Variants in CASK observed in about 807,000 individuals in gnomAD.
CASK encodes the protein peripheral plasma membrane protein CASK.
CASK carries 4 observed loss-of-function variants against 82.9 expected under a neutral mutation model. That is an observed-to-expected ratio of 0.05 (90% confidence interval 0.02 to 0.11). The LOEUF is 0.11. Among genes scored for constraint, CASK ranks in the 10% least tolerant of loss-of-function variants. The pLI, the probability that CASK is intolerant of heterozygous loss-of-function variation, is 1.00. For synonymous variants in CASK, 259 were observed against 253.5 expected (o/e 1.02, Z -0.20); for missense variants, 358 against 720.9 (o/e 0.50, Z 5.76).
rs1367086963 is a variant in CASK, at chrX:41,772,590, G to A, written c.278+14588C>T. 2.7e-5 allele frequency among the ~76,000 whole-genome samples: 3 copies of A among 111,136 alleles called. No individual in the cohort carries two copies. The Admixed American group carries it at 2.9e-4, about 11-fold the overall frequency. On this transcript the variant is annotated intron_variant, in intron 3 of 26. Coordinates refer to ENST00000378163, the MANE Select transcript of CASK (RefSeq NM_001367721.1). ...CTTAGCAAAATACAGTTTACTAAAA[G>A]TGACACAGTAATGAATAAAAACCCT...
intron 11 of CASK, among the ~76,000 whole-genome samples, chrX:41,618,303 T>C (rs772136099): frequency 9.0e-6 from 1 of 111,715 alleles, no homozygotes; most frequent in African/African-American, 3.3e-5. Context: ...TGCAGGCAAG[T>C]GTTTTTTTTG....
At chrX:41,698,084 G>C (rs1422043537) in intron 5 of CASK, 1 of 111,501 alleles carries the variant, frequency 9.0e-6, no homozygotes, top group Non-Finnish European at 1.9e-5. Flanking sequence ...TTACAGGCAT[G>C]AGCCACCGCG....
intron 3 of CASK, among the ~76,000 whole-genome samples, chrX:41,776,446 A>G (rs2069366875): frequency 8.9e-6 from 1 of 112,959 alleles, no homozygotes; most frequent in African/African-American, 3.2e-5. Flanking sequence ...GATAACTGCC[A>G]TCACCACTGC....
chrX:41,560,086 T>A (rs1419224109), intron 17 of CASK, among the ~76,000 whole-genome samples: 1 of 111,791 alleles, frequency 8.9e-6, no homozygotes, highest in Non-Finnish European at 1.9e-5. Flanking sequence ...GTCTCACAGA[T>A]CTTCAATGGT....
intron 12 of CASK, among the ~76,000 whole-genome samples, chrX:41,594,376 T>C (rs1040064061): frequency 8.9e-6 from 1 of 112,042 alleles, no homozygotes; most frequent in African/African-American, 3.2e-5. Context: ...TGAAGGATGG[T>C]AGATGCCCCA....
At chrX:41,874,011 G>A (rs372857465) in intron 1 of CASK, among the ~76,000 whole-genome samples, 1 of 109,887 alleles carries the variant, frequency 9.1e-6, no homozygotes, top group Non-Finnish European at 1.9e-5. Context: ...GGCTGGTTTC[G>A]AACTCCTGAG....
chrX:41,525,051 C>T (rs2064692652), intron 25 of CASK, among the ~76,000 whole-genome samples: 1 of 111,465 alleles, frequency 9.0e-6, no homozygotes, highest in Non-Finnish European at 1.9e-5. Context: ...ATCTTTTGCC[C>T]AGCTTATTGT....
At chrX:41,706,550 A>G (rs2067888291) in intron 5 of CASK, among the ~76,000 whole-genome samples, 1 of 112,147 alleles carries the variant, frequency 8.9e-6, no homozygotes, top group African/African-American at 3.2e-5. Flanking sequence ...TTGAAAAGTT[A>G]GATTAATATT....
At chrX:41,785,885 G>A (rs1470021567) in intron 3 of CASK, among the ~76,000 whole-genome samples, 2 of 111,545 alleles carry the variant, frequency 1.8e-5, no homozygotes, top group African/African-American at 6.5e-5. Context: ...TGGAGATTAG[G>A]TTACGAGACT....
chrX:41,693,071 G>A (rs1167408012), intron 5 of CASK, among the ~76,000 whole-genome samples: 2 of 111,164 alleles, frequency 1.8e-5, no homozygotes, highest in African/African-American at 6.5e-5. Context: ...TAACATGAGA[G>A]AAGAAAAAAA....
chrX:41,669,415 C>G (rs1019397975), intron 6 of CASK, among the ~76,000 whole-genome samples: 1 of 111,390 alleles, frequency 9.0e-6, no homozygotes, highest in Non-Finnish European at 1.9e-5. Context: ...AAGAACATGA[C>G]ATTCTAAATA....
intron 2 of CASK, among the ~76,000 whole-genome samples, chrX:41,847,548 T>G (rs2071180561): frequency 8.9e-6 from 1 of 112,234 alleles, no homozygotes; most frequent in African/African-American, 3.2e-5. Context: ...AGGAACAGTT[T>G]CTATGGATTG....
At chrX:41,791,359 A>T (rs1338304718) in intron 2 of CASK, among the ~76,000 whole-genome samples, 1 of 107,320 alleles carries the variant, frequency 9.3e-6, no homozygotes, top group African/African-American at 3.4e-5. Context: ...GCGTCCCCAT[A>T]GCTCAGCTCT....
intron 25 of CASK, among the ~76,000 whole-genome samples, chrX:41,526,899 A>C (rs1369779479): frequency 1.8e-5 from 2 of 110,976 alleles, no homozygotes; most frequent in Non-Finnish European, 3.8e-5. Flanking sequence ...GACTCACCAC[A>C]CATTTCCTCG....
At chrX:41,678,431 C>T (rs1190081218) in intron 5 of CASK, among the ~76,000 whole-genome samples, 1 of 112,007 alleles carries the variant, frequency 8.9e-6, no homozygotes, top group African/African-American at 3.2e-5. Flanking sequence ...TTTTACTCTC[C>T]TGTATTTCCT....
chrX:41,624,910 T>C (rs1238734692), intron 10 of CASK, among the ~76,000 whole-genome samples: 2 of 110,844 alleles, frequency 1.8e-5, no homozygotes, highest in Non-Finnish European at 3.8e-5. Context: ...ATGAAGCTAG[T>C]CCAAGAGTAC....
chrX:41,696,540 G>A (rs5918228), intron 5 of CASK: 5 of 1,208,899 alleles, frequency 4.1e-6, no homozygotes, highest in Non-Finnish European at 5.6e-6. Flanking sequence ...CTACTGGAAA[G>A]AAATTGTTCA....
At chrX:41,814,590 G>A (rs778334998) in intron 2 of CASK, among the ~76,000 whole-genome samples, 4 of 95,628 alleles carry the variant, frequency 4.2e-5, no homozygotes, top group East Asian at 6.8e-4. Context: ...GGGGCCTGTC[G>A]TTGGGTGGAG....
chrX:41,681,912 C>T (rs762806111), intron 5 of CASK, among the ~76,000 whole-genome samples: 4 of 108,102 alleles, frequency 3.7e-5, no homozygotes, highest in Admixed American at 1.0e-4. Context: ...CACCACTGCA[C>T]TCCAGCCTGG....
Sources: allele counts gnomAD v4.1 joint callset (sites outside exome capture counted in the v4.1 genomes callset), GRCh38; gene constraint gnomAD v4.1.1; transcripts MANE v1.5; gene names NCBI Gene and HGNC (gene_info 2026-07-23, HGNC 2026-07-21).